The following ACTR2 variants were observed in gnomAD, a reference collection of about 807,000 sequenced individuals.
The protein encoded by ACTR2 is actin related protein 2.
In ACTR2, 5 loss-of-function variants were observed where a neutral mutation model predicts 50.2. The observed-to-expected ratio is 0.10, with a 90% CI of 0.05 to 0.21. The LOEUF (loss-of-function observed/expected upper bound fraction) is 0.21. ACTR2 is among the 10% of genes least tolerant of loss of function. The pLI, the probability that ACTR2 is intolerant of heterozygous loss-of-function variation, is 1.00. For synonymous variants in ACTR2, 140 were observed against 162.9 expected, an observed-to-expected ratio of 0.86 and a Z score of 1.07; for missense variants, 180 against 480.6, an observed-to-expected ratio of 0.37 and a Z score of 5.85.
chr2:65,248,578 AAGT>A (rs1351328738), intron 3 of ACTR2, among the ~76,000 whole-genome samples: 2 of 152,100 alleles, frequency 1.3e-5, no homozygotes, highest in African/African-American at 2.4e-5. Context: ...GTTAGGATTG[AAGT>A]AGTAGTAGTA....
intron 1 of ACTR2, among the ~76,000 whole-genome samples, chr2:65,235,793 T>C (rs767747266): frequency 4.6e-5 from 7 of 152,122 alleles, no homozygotes; most frequent in Non-Finnish European, 8.8e-5. Flanking sequence ...AATTGTATTA[T>C]ACTTTTAGAA....
chr2:65,242,732 T>G, intron 2 of ACTR2: 1 of 448,186 alleles, frequency 2.2e-6, no homozygotes, highest in Non-Finnish European at 4.4e-6. Flanking sequence ...TTGCTGGTCT[T>G]ATCTCAGACA....
At position 65,270,767 on chromosome 2, in the gene ACTR2, C is replaced by T. The variant is rs200535471; in HGVS notation, c.*2033C>T. 12 of 152,080 alleles carry T rather than the reference C, an allele frequency of 7.9e-5. No homozygotes were observed. In the East Asian group the frequency reaches 2.3e-3, roughly 29 times the overall value. The allele number at this position is 152,080 out of a possible 1,614,324, so 9.4% of individuals were successfully genotyped here. A position where few individuals can be genotyped will look rare whatever the true frequency, so the allele number is the denominator to read the frequency against. On this transcript the variant is annotated 3_prime_UTR_variant, in exon 9 of 9. Coordinates refer to ENST00000260641, the MANE Select transcript of ACTR2 (RefSeq NM_005722.4). ...GGTAAATGTGACAGTTAAAATGGTG[C>T]ATTATGTATATATATTATAATTTAG...
At chr2:65,248,903 C>T (rs1408061174) in intron 3 of ACTR2, among the ~76,000 whole-genome samples, 11 of 152,102 alleles carry the variant, frequency 7.2e-5, no homozygotes, top group African/African-American at 1.2e-4. Flanking sequence ...ATCCCAGCTA[C>T]GCAGGAGGCT....
intron 1 of ACTR2, among the ~76,000 whole-genome samples, chr2:65,229,448 G>A (rs1007407353): frequency 6.6e-6 from 1 of 152,022 alleles, no homozygotes; most frequent in Non-Finnish European, 1.5e-5. Flanking sequence ...ATGGACTAGA[G>A]TAAAAAGAGT....
chr2:65,234,552 G>A (rs1366870144), intron 1 of ACTR2, among the ~76,000 whole-genome samples: 1 of 152,084 alleles, frequency 6.6e-6, no homozygotes, highest in South Asian at 2.1e-4. Flanking sequence ...GTTAAGATAC[G>A]AACTACCCAT....
At chr2:65,265,937 A>T (rs1201917925) in intron 8 of ACTR2, among the ~76,000 whole-genome samples, 1 of 152,228 alleles carries the variant, frequency 6.6e-6, no homozygotes, top group Non-Finnish European at 1.5e-5. Context: ...TATATGACTC[A>T]TTGTTGAAAT....
chr2:65,254,014 A>G (rs1672101973), intron 5 of ACTR2, 150 bp downstream of exon 5: 6 of 643,700 alleles, frequency 9.3e-6, no homozygotes, highest in Admixed American at 3.2e-5. Flanking sequence ...AAAAATTCAT[A>G]TAAGATTTAT....
chr2:65,246,603 G>A lies in ACTR2; in HGVS notation c.239G>A (p.Arg80Gln), dbSNP rs1440834418. The A allele has an allele frequency of 3.7e-6, 6 of 1,613,226 alleles. No individual in the cohort carries two copies. Among genetic ancestry groups the A allele is most frequent in the Admixed American group, 3.3e-5 (2 of 59,914 alleles). ...TACCCTATGGAAAATGGCATAGTAC[G>A]AAATTGGGATGACATGAAACACCTG... is the stretch of plus-strand genomic sequence containing the variant. ...VNYPMENGIV[R>Q]NWDDMKHLWD... The change falls in exon 3 of 9, where the codon CGA becomes CAA. Residue 80 changes from arginine (R) to glutamine (Q), a missense_variant. By Grantham distance (43) the Arg-to-Gln change is conservative. Coordinates refer to ENST00000260641, the MANE Select transcript of ACTR2 (RefSeq NM_005722.4).
chr2:65,233,980 G>A (rs1198237247), intron 1 of ACTR2, among the ~76,000 whole-genome samples: 1 of 151,846 alleles, frequency 6.6e-6, no homozygotes, highest in African/African-American at 2.4e-5. Flanking sequence ...ATGGCTCAAG[G>A]CTCAACGTAG....
intron 1 of ACTR2, among the ~76,000 whole-genome samples, chr2:65,238,349 T>C (rs909518038): frequency 5.9e-5 from 9 of 152,132 alleles, no homozygotes; most frequent in Admixed American, 5.9e-4. Flanking sequence ...TTACTAAATA[T>C]ATTTATCTAA....
chr2:65,262,718 A>G (rs1672291759), intron 7 of ACTR2, among the ~76,000 whole-genome samples: 1 of 152,018 alleles, frequency 6.6e-6, no homozygotes, highest in Admixed American at 6.6e-5. Context: ...AGCACTTTGG[A>G]GGCTGAGGTG....
Position 65,268,812 on chromosome 2 carries a change from C to G in ACTR2, c.*78C>G, listed in dbSNP as rs1460734411. 6.1e-6 allele frequency: 9 copies of G among 1,472,018 alleles called. No individual in the cohort carries two copies. The highest frequency in any genetic ancestry group is 6.5e-6 in the Non-Finnish European group (7 of 1,080,008). The allele number at this position is 1,472,018 out of a possible 1,614,324, so 91.2% of individuals were successfully genotyped here. On this transcript the variant is annotated 3_prime_UTR_variant, in exon 9 of 9. Coordinates refer to ENST00000260641, the MANE Select transcript of ACTR2 (RefSeq NM_005722.4). Reference sequence around the variant, plus strand: ...GCCAATCTTTGAACTCATTCAACTCCAGGACATGGAAGAGGCCTCTCTCTG... The same window carrying G: ...GCCAATCTTTGAACTCATTCAACTCGAGGACATGGAAGAGGCCTCTCTCTG...
At chr2:65,253,981 C>A in intron 5 of ACTR2, 117 bp downstream of exon 5, 1 of 706,912 alleles carries the variant, frequency 1.4e-6, no homozygotes, top group Admixed American at 3.1e-5. Flanking sequence ...GAGAAATTAT[C>A]CAATTACCTC....
Position 65,242,332 on chromosome 2 carries a change from G to A in ACTR2, c.159+2370G>A, listed in dbSNP as rs564421492. Among the ~76,000 whole-genome samples the A allele has an allele frequency of 3.3e-5, 5 of 152,182 alleles. No individual in the cohort carries two copies. In the East Asian group the frequency reaches 5.8e-4, roughly 18 times the overall value. ...TTCCTTGTTTTTCTTGTAGATGAAT[G>A]TTATAATTAAAATGGAATGTGTTGT... On this transcript the variant is annotated intron_variant, in intron 2 of 8. Transcript: ENST00000260641.
At position 65,251,022 on chromosome 2, in the gene ACTR2, T is replaced by G; in HGVS notation, c.376-5T>G. 1 of 1,588,818 alleles carries G rather than the reference T, an allele frequency of 6.3e-7. No homozygotes were observed. The highest frequency in any genetic ancestry group is 8.6e-7 in the Non-Finnish European group (1 of 1,169,138). ...CAGTTTTTTTCTTTCTGTCTGCATT[T>G]ACAGGTAATGTTTGAAACTTACCAG... On this transcript the variant is annotated splice_region_variant and splice_polypyrimidine_tract_variant and intron_variant, in intron 3 of 8. Coordinates refer to ENST00000260641, the MANE Select transcript of ACTR2 (RefSeq NM_005722.4).
chr2:65,245,552 CTTTT>C (rs1285363237), intron 2 of ACTR2, among the ~76,000 whole-genome samples: 1 of 151,782 alleles, frequency 6.6e-6, no homozygotes, highest in Admixed American at 6.6e-5. Flanking sequence ...TTTGCTGCTG[CTTTT>C]TTTTGTCTCT....
chr2:65,250,691 A>AG (rs1389672857), intron 3 of ACTR2, among the ~76,000 whole-genome samples: 238 of 151,780 alleles, frequency 1.6e-3, no homozygotes, highest in Non-Finnish European at 2.8e-3. Context: ...AAAAAAAAAA[A>AG]AAGAATTTCC....
At chr2:65,260,808 C>G (rs1672255489) in intron 6 of ACTR2, among the ~76,000 whole-genome samples, 2 of 149,624 alleles carry the variant, frequency 1.3e-5, no homozygotes, top group Non-Finnish European at 3.0e-5. Context: ...TGGCTCACTG[C>G]AAGCTCTGCC....
Sources: allele counts gnomAD v4.1 joint callset (sites outside exome capture counted in the v4.1 genomes callset), GRCh38; gene constraint gnomAD v4.1.1; transcripts MANE v1.5; gene names NCBI Gene and HGNC (gene_info 2026-07-23, HGNC 2026-07-21).